The following KMT2A variants were observed in gnomAD, a reference collection of about 807,000 sequenced individuals.
KMT2A encodes the protein lysine methyltransferase 2A.
A neutral mutation model predicts 345.3 loss-of-function variants in KMT2A; 16 were observed. The observed-to-expected ratio is 0.05, with a 90% CI of 0.03 to 0.07. The LOEUF is 0.07. Ranked by LOEUF, KMT2A falls within the 10% of genes least tolerant of loss-of-function variation. The probability of loss-of-function intolerance (pLI) is 1.00; values close to 1 mark genes in which losing one functional copy is unlikely to be tolerated. For synonymous variants in KMT2A, 1,599 were observed against 1,778.6 expected (o/e 0.90, Z 2.54); for missense variants, 3,272 against 4,841.6 (o/e 0.68, Z 9.62).
At chr11:118,485,093 T>G in intron 10 of KMT2A, 118 bp downstream of exon 10, 1 of 692,278 alleles carries the variant, frequency 1.4e-6, no homozygotes, top group East Asian at 2.8e-5. Flanking sequence ...TTAAACCAGC[T>G]AAAGAAATGT....
At chr11:118,487,482 G>T (rs1438510689) in intron 10 of KMT2A, among the ~76,000 whole-genome samples, 1 of 152,050 alleles carries the variant, frequency 6.6e-6, no homozygotes, top group East Asian at 1.9e-4. Flanking sequence ...ACTATGAGTT[G>T]TACAGAGAAT....
At chr11:118,464,033 C>A (rs782305107) in intron 1 of KMT2A, among the ~76,000 whole-genome samples, 1 of 152,096 alleles carries the variant, frequency 6.6e-6, no homozygotes, top group Non-Finnish European at 1.5e-5. Context: ...TTTATGGGGA[C>A]AATGCCCCAA....
Position 118,494,288 on chromosome 11 carries a change from T to C in KMT2A, c.5179T>C (p.Leu1727=). ...ATTAACATTTTGTTTTTGTATACAG[T>C]TGGAGTTCAGTGATGATATTGTGAA... is the stretch of plus-strand genomic sequence containing the variant. ...KMDQGNYTSV[L]EFSDDIVKII... Residue 1727 remains leucine, a splice_region_variant and synonymous_variant, in exon 17 of 36, where the codon TTG becomes CTG. Coordinates refer to ENST00000534358, the MANE Select transcript of KMT2A (RefSeq NM_001197104.2). The surrounding 1 kb of genome is among the most constrained non-coding windows in gnomAD (Gnocchi z 5.8). 1 of 1,506,210 alleles carries C rather than the reference T, an allele frequency of 6.6e-7. No homozygotes were observed. The allele number at this position is 1,506,210 out of a possible 1,614,324, so 93.3% of individuals were successfully genotyped here.
At chr11:118,485,094 A>C in intron 10 of KMT2A, 119 bp downstream of exon 10, 1 of 692,764 alleles carries the variant, frequency 1.4e-6, no homozygotes, top group Non-Finnish European at 2.5e-6. Context: ...TAAACCAGCT[A>C]AAGAAATGTT....
Position 118,501,759 on chromosome 11 carries a change from C to T in KMT2A, c.6407C>T (p.Ser2136Phe). The T allele has an allele frequency of 6.2e-7, 1 of 1,614,048 alleles. No homozygotes were observed. The highest frequency in any genetic ancestry group is 1.1e-5 in the South Asian group (1 of 91,068). The change falls in exon 26 of 36, where the codon TCC (serine) becomes TTC (phenylalanine). Residue 2136 changes from serine to phenylalanine, a missense_variant. Coordinates refer to ENST00000534358, the MANE Select transcript of KMT2A (RefSeq NM_001197104.2). Reference protein sequence around the residue: ...DRPPHSQTSGSCYYHVISKVP... With the variant: ...DRPPHSQTSGFCYYHVISKVP... Reference sequence around the variant, plus strand: ...CCTCCTCATTCACAAACCTCTGGCTCCTGTTATTATCATGTCATCTCAAAG... The same window carrying T: ...CCTCCTCATTCACAAACCTCTGGCTTCTGTTATTATCATGTCATCTCAAAG...
chr11:118,466,750 GGT>G (rs1949850996), intron 1 of KMT2A, among the ~76,000 whole-genome samples: 1 of 152,134 alleles, frequency 6.6e-6, no homozygotes, highest in South Asian at 2.1e-4. Flanking sequence ...GGGAGGCTGA[GGT>G]GGCGCCATTG....
chr11:118,501,913 G>A, intron 26 of KMT2A, 56 bp downstream of exon 26: 3 of 1,409,426 alleles, frequency 2.1e-6, no homozygotes, highest in Non-Finnish European at 2.9e-6. Context: ...AGACTAATTT[G>A]TAATTCTTTC....
chr11:118,463,136 TA>T lies in KMT2A; in HGVS notation c.433-5636del, dbSNP rs200690158. ...TACATTTATCTTTATTTTTTTTTTTTAAATAAAGATGGGGTCTTGCTATGTT... is the reference window on the plus strand; with the variant it reads ...TACATTTATCTTTATTTTTTTTTTTTAATAAAGATGGGGTCTTGCTATGTT... On this transcript the variant is annotated intron_variant, in intron 1 of 35. Transcript: ENST00000534358. Among the ~76,000 whole-genome samples the T allele has an allele frequency of 2.0e-3, 294 of 150,182 alleles. 2 individuals carry two copies. The highest frequency in any genetic ancestry group is 0.014 in the Middle Eastern group (4 of 288).
At position 118,515,078 on chromosome 11, in the gene KMT2A, C is replaced by T. The variant is rs561253995; in HGVS notation, c.11146+3053C>T. 7.1e-4 allele frequency among the ~76,000 whole-genome samples: 108 copies of T among 152,330 alleles called. 1 individual carries two copies. Among genetic ancestry groups the T allele is most frequent in the African/African-American group, 2.5e-3 (106 of 41,570 alleles). ...CACTGTGCCCGGCCCATCCATGTGT[C>T]TTAAAGTGTAGCCTATAGGTGTGAA... On this transcript the variant is annotated intron_variant, in intron 31 of 35. Transcript: ENST00000534358.
chr11:118,463,137 A>T (rs1185757), intron 1 of KMT2A, among the ~76,000 whole-genome samples: 102,847 of 149,686 alleles, frequency 0.69, 37,822 homozygotes, highest in Admixed American at 0.83. Context: ...TTTTTTTTTT[A>T]AATAAAGATG....
intron 1 of KMT2A, among the ~76,000 whole-genome samples, chr11:118,467,119 G>A (rs1035875957): frequency 2.0e-5 from 3 of 152,158 alleles, no homozygotes; most frequent in South Asian, 2.1e-4. Flanking sequence ...GTGCATGCCT[G>A]TAATCCCAGC....
chr11:118,450,298 T>C (rs1949509372), intron 1 of KMT2A: 1 of 152,162 alleles, frequency 6.6e-6, no homozygotes, highest in South Asian at 2.1e-4. Flanking sequence ...GTGCATTCAT[T>C]TTGCTGTTTT....
At position 118,490,217 on chromosome 11, in the gene KMT2A, T is replaced by G. The variant is rs1591395184; in HGVS notation, c.4664T>G (p.Leu1555Arg). 6.3e-7 allele frequency: 1 copy of G among 1,577,520 alleles called. No individual in the cohort carries two copies. Among genetic ancestry groups the G allele is most frequent in the East Asian group, 2.3e-5 (1 of 44,348 alleles). The change falls in exon 13 of 36, where the codon CTG becomes CGG. Residue 1555 changes from leucine to arginine, a missense_variant. Leu to Arg is a moderately radical substitution (Grantham distance 102, BLOSUM62 -2). Coordinates refer to ENST00000534358, the MANE Select transcript of KMT2A (RefSeq NM_001197104.2). The surrounding 1 kb of genome is among the most constrained non-coding windows in gnomAD (Gnocchi z 4.2). ...GCACAGTGGTCTCATGATTTCTCAC[T>G]GTGTCATGATTGCGCCAAGCTCTTT... ...WDAQWSHDFS[L>R]CHDCAKLFAK...
At chr11:118,519,295 G>A (rs1555052681) in intron 31 of KMT2A, 1 of 212,558 alleles carries the variant, frequency 4.7e-6, no homozygotes, top group Non-Finnish European at 9.7e-6. Flanking sequence ...TTCCTGCCCT[G>A]TGTGGTCATT....
intron 1 of KMT2A, among the ~76,000 whole-genome samples, chr11:118,444,006 A>G (rs1555026537): frequency 6.6e-6 from 1 of 152,242 alleles, no homozygotes; most frequent in African/African-American, 2.4e-5. Flanking sequence ...TGTATTATCT[A>G]TGCTTTGCTG....
chr11:118,500,848 T>C, intron 24 of KMT2A, 139 bp from the exon 25 acceptor site: 2 of 544,754 alleles, frequency 3.7e-6, no homozygotes, highest in Non-Finnish European at 6.3e-6. Flanking sequence ...GGGGAATCTA[T>C]ACTAAGAACC....
rs1367542545 is a variant in KMT2A, at chr11:118,484,349, T to C, written c.4218+35T>C. 1.2e-6 allele frequency: 2 copies of C among 1,600,814 alleles called. No homozygotes were observed. Among genetic ancestry groups the C allele is most frequent in the Non-Finnish European group, 1.7e-6 (2 of 1,172,462 alleles). On this transcript the variant is annotated intron_variant, in intron 9 of 35. Coordinates refer to ENST00000534358, the MANE Select transcript of KMT2A (RefSeq NM_001197104.2). This position sits in a 1 kb window ranked among gnomAD's most constrained non-coding sequence, Gnocchi z 4.1. ...TTCAGTGATCATAAAGTATATTGAG[T>C]GTCAAAGACTTTAAATAAAGAAAAT...
In KMT2A at chr11:118,491,397, A is replaced by G; in HGVS notation, c.4819+79A>G. The G allele has an allele frequency of 7.4e-7, 1 of 1,348,662 alleles. No homozygotes were observed. The highest frequency in any genetic ancestry group is 2.4e-5 in the East Asian group (1 of 42,050). 83.5% of individuals were successfully genotyped at this position (1,348,662 alleles called of 1,614,324 possible). A position where few individuals can be genotyped will look rare whatever the true frequency, so the allele number is the denominator to read the frequency against. On this transcript the variant is annotated intron_variant, in intron 14 of 35. Coordinates refer to ENST00000534358, the MANE Select transcript of KMT2A (RefSeq NM_001197104.2). The surrounding 1 kb of genome is among the most constrained non-coding windows in gnomAD (Gnocchi z 4.2). Reference sequence around the variant, plus strand: ...AGCCTCTAGAGCACTTTAAACCTAAAATTATGGTTGTGTTGTTATTTGAAA... The same window carrying G: ...AGCCTCTAGAGCACTTTAAACCTAAGATTATGGTTGTGTTGTTATTTGAAA...
chr11:118,461,108 A>G (rs1204329557), intron 1 of KMT2A, among the ~76,000 whole-genome samples: 1 of 152,226 alleles, frequency 6.6e-6, no homozygotes, highest in Non-Finnish European at 1.5e-5. Flanking sequence ...ATACACAAAC[A>G]TTATGTTTAA....
Sources: allele counts gnomAD v4.1 joint callset (sites outside exome capture counted in the v4.1 genomes callset), GRCh38; gene constraint gnomAD v4.1.1; non-coding constraint Gnocchi (gnomAD v3.1); transcripts MANE v1.5; gene names NCBI Gene and HGNC (gene_info 2026-07-23, HGNC 2026-07-21).